Variants in MSH3 observed in about 807,000 individuals in gnomAD.
The protein encoded by MSH3 is DNA mismatch repair protein Msh3.
In MSH3, 106 loss-of-function variants were observed where a neutral mutation model predicts 123.3. The observed-to-expected ratio is 0.86, with a 90% CI of 0.73 to 1.01. MSH3 has a LOEUF of 1.01. MSH3 is among the 50% of genes least tolerant of loss of function. The pLI is 0.00. For missense variants in MSH3, 1,459 were observed against 1,347.6 expected, an observed-to-expected ratio of 1.08 and a Z score of -1.29; for synonymous variants, 515 against 481.4, an observed-to-expected ratio of 1.07 and a Z score of -0.91.
At chr5:80,714,743 T>C (rs938337086) in intron 8 of MSH3, among the ~76,000 whole-genome samples, 1 of 152,192 alleles carries the variant, frequency 6.6e-6, no homozygotes, top group African/African-American at 2.4e-5. Flanking sequence ...CTGCCTCTTG[T>C]GTTCACTCTA....
chr5:80,676,064 C>T (rs1235085759), intron 7 of MSH3, among the ~76,000 whole-genome samples: 1 of 152,122 alleles, frequency 6.6e-6, no homozygotes, highest in Non-Finnish European at 1.5e-5. Context: ...GAGTTTCACC[C>T]TTGTCACCCA....
intron 12 of MSH3, among the ~76,000 whole-genome samples, chr5:80,760,648 T>G (rs1273665931): frequency 6.6e-6 from 1 of 152,202 alleles, no homozygotes; most frequent in African/African-American, 2.4e-5. Context: ...GCAAACAAAT[T>G]CTCCGTCTAA....
chr5:80,705,786 A>T (rs1436279386), intron 8 of MSH3, among the ~76,000 whole-genome samples: 1 of 152,114 alleles, frequency 6.6e-6, no homozygotes, highest in African/African-American at 2.4e-5. Flanking sequence ...TCTTTCCTCC[A>T]TGCATGTCTC....
intron 8 of MSH3, among the ~76,000 whole-genome samples, chr5:80,723,117 A>ATAAG (rs1376312663): frequency 6.6e-6 from 1 of 151,408 alleles, no homozygotes; most frequent in Non-Finnish European, 1.5e-5. Flanking sequence ...AAATAAATAA[A>ATAAG]TAAATAAATA....
chr5:80,768,636 A>C (rs1390765288), intron 14 of MSH3, among the ~76,000 whole-genome samples, 199 bp from the exon 15 acceptor site: 1 of 152,174 alleles, frequency 6.6e-6, no homozygotes, highest in Non-Finnish European at 1.5e-5. Flanking sequence ...TCATGAAGTT[A>C]AAAAGCAGAA....
rs549976628 is a variant in MSH3 at position 80,763,987 on chromosome 5, T to A, written c.1896+2309T>A. Among the ~76,000 whole-genome samples the A allele has an allele frequency of 1.2e-3, 181 of 152,378 alleles. 1 individual carries two copies. The highest frequency in any genetic ancestry group is 4.0e-3 in the African/African-American group (168 of 41,594). ...GTGTTTGTTTACACAAGAATGTACC[T>A]AAAGATTAGTTTGAAGGGTGAAGAG... On this transcript the variant is annotated intron_variant, in intron 13 of 23. Transcript: ENST00000265081.
rs151123805 is a variant in MSH3, at chr5:80,687,567, G to A, written c.1340+8474G>A. ...TTGCAGAATAGAAGGCTTTGAGTTG[G>A]TAATGGGGAGGGGGGAAGGGTATGT... On this transcript the variant is annotated intron_variant, in intron 8 of 23. Coordinates refer to ENST00000265081, the MANE Select transcript of MSH3 (RefSeq NM_002439.5). Among the ~76,000 whole-genome samples, 258 of 152,148 alleles carry A rather than the reference G, an allele frequency of 1.7e-3. 2 individuals carry two copies. The highest frequency in any genetic ancestry group is 5.9e-3 in the African/African-American group (245 of 41,508).
intron 8 of MSH3, 146 bp downstream of exon 8, chr5:80,679,239 TA>T: frequency 1.2e-6 from 1 of 869,158 alleles, no homozygotes; most frequent in South Asian, 1.6e-5. Context: ...AAAAAAAAAG[TA>T]AAACAACAAA....
intron 8 of MSH3, among the ~76,000 whole-genome samples, chr5:80,686,266 T>C (rs1415761812): frequency 6.6e-6 from 1 of 152,166 alleles, no homozygotes; most frequent in Admixed American, 6.5e-5. Context: ...TGTCCAATGA[T>C]GAAAGTGGGG....
intron 7 of MSH3, among the ~76,000 whole-genome samples, chr5:80,675,668 T>C (rs980464891): frequency 6.6e-6 from 1 of 152,146 alleles, no homozygotes; most frequent in African/African-American, 2.4e-5. Context: ...ACATGAGGTT[T>C]GGGTGGGGAC....
At chr5:80,827,583 A>G (rs542024117) in intron 20 of MSH3, among the ~76,000 whole-genome samples, 23 of 148,834 alleles carry the variant, frequency 1.5e-4, no homozygotes, top group African/African-American at 5.5e-4. Flanking sequence ...AATCCACATG[A>G]TAAGTGAGCA....
At chr5:80,867,521 A>G (rs563962374) in intron 22 of MSH3, among the ~76,000 whole-genome samples, 234 of 152,320 alleles carry the variant, frequency 1.5e-3, no homozygotes, top group African/African-American at 5.0e-3. Context: ...TAGATGAATC[A>G]GGATCAACTT....
At chr5:80,832,740 A>G (rs1295064198) in intron 20 of MSH3, among the ~76,000 whole-genome samples, 4 of 151,846 alleles carry the variant, frequency 2.6e-5, no homozygotes, top group African/African-American at 9.7e-5. Flanking sequence ...TTTTATATAT[A>G]TATATCATAA....
chr5:80,863,197 G>A lies in MSH3; in HGVS notation c.3001-1616G>A, dbSNP rs905147199. Among the ~76,000 whole-genome samples, 13 of 152,268 alleles carry A rather than the reference G, an allele frequency of 8.5e-5. No individual in the cohort carries two copies. In the East Asian group the frequency reaches 2.5e-3, roughly 29 times the overall value. ...TACATGGAATATTCCTGGTATCGACGAAAAGAGTCAAACTCTGTAAAATAT... is the reference window on the plus strand; with the variant it reads ...TACATGGAATATTCCTGGTATCGACAAAAAGAGTCAAACTCTGTAAAATAT... On this transcript the variant is annotated intron_variant, in intron 21 of 23. Transcript: ENST00000265081.
intron 22 of MSH3, among the ~76,000 whole-genome samples, chr5:80,870,912 T>C (rs1746201582): frequency 6.7e-6 from 1 of 148,992 alleles, no homozygotes; most frequent in Non-Finnish European, 1.5e-5. Context: ...CTTGGACATT[T>C]CTGCAGCACA....
chr5:80,756,361 A>G (rs1033032888), intron 12 of MSH3, among the ~76,000 whole-genome samples: 3 of 152,210 alleles, frequency 2.0e-5, no homozygotes, highest in African/African-American at 7.2e-5. Context: ...CAGGGTGGCA[A>G]TGTCAGGCCT....
intron 9 of MSH3, among the ~76,000 whole-genome samples, chr5:80,727,613 T>A (rs4704681): frequency 0.075 from 11,436 of 152,262 alleles, 827 homozygotes; most frequent in East Asian, 0.33. Context: ...CACATATAGT[T>A]CTCTGTATTT....
intron 19 of MSH3, among the ~76,000 whole-genome samples, chr5:80,808,858 C>CATATATATATATATATCTAT (rs1554074137): frequency 1.5e-5 from 1 of 66,158 alleles, no homozygotes; most frequent in African/African-American, 5.3e-5. Flanking sequence ...ATATCTTCTT[C>CATATATATATATATATCTAT]ATATATATAT....
rs999157792 is a variant in MSH3, at chr5:80,675,062, G to C, written c.1107G>C (p.Leu369=). The C allele has an allele frequency of 6.2e-7, 1 of 1,613,574 alleles. No homozygotes were observed. The highest frequency in any genetic ancestry group is 1.1e-5 in the South Asian group (1 of 91,058). Residue 369 remains leucine (L), a synonymous_variant, in exon 7 of 24, where the codon CTG becomes CTC. Transcript: ENST00000265081. Reference sequence around the variant, plus strand: ...CTGATACTTCTACCAGCTATCTTCTGTGCATCTCTGAAAATAAGGAAAATG... The same window carrying C: ...CTGATACTTCTACCAGCTATCTTCTCTGCATCTCTGAAAATAAGGAAAATG... The part of the protein sequence containing the change: ...IMTDTSTSYL[L]CISENKENVR...
Sources: gnomAD v4.1 joint callset for allele counts (sites outside exome capture counted in the v4.1 genomes callset) on GRCh38, gnomAD v4.1.1 for gene constraint, MANE v1.5 for transcripts, NCBI Gene and HGNC (gene_info 2026-07-23, HGNC 2026-07-21) for gene names.